Variants in NMRK2 observed in about 807,000 individuals in gnomAD.
NMRK2 encodes NRK 2.
NMRK2 carries 34 observed loss-of-function variants against 24.7 expected under a neutral mutation model. That is an observed-to-expected ratio of 1.37 (90% CI 1.05 to 1.83). The LOEUF (loss-of-function observed/expected upper bound fraction) is 1.83. Ranked by LOEUF, NMRK2 falls within the 40% of genes most tolerant of loss-of-function variation. The pLI, the probability that NMRK2 is intolerant of heterozygous loss-of-function variation, is 0.00. For missense variants in NMRK2, 341 were observed against 315.0 expected, an observed-to-expected ratio of 1.08 and a Z score of -0.62; for synonymous variants, 145 against 125.6, an observed-to-expected ratio of 1.15 and a Z score of -1.03.
intron 4 of NMRK2, 35 bp from the exon 5 acceptor site, chr19:3,938,568 C>A: frequency 6.6e-7 from 1 of 1,519,348 alleles, no homozygotes; most frequent in South Asian, 1.3e-5. Flanking sequence ...CCCCCAGGGT[C>A]TGCCCTCCTG....
intron 4 of NMRK2, 117 bp from the exon 5 acceptor site, chr19:3,938,486 C>T: frequency 1.5e-5 from 13 of 874,728 alleles, no homozygotes; most frequent in Non-Finnish European, 1.9e-5. Context: ...GTCCACCCTC[C>T]TGCAATGCCC....
chr19:3,938,850 T>TTTTTTTTTTTTTTTTTTTTTTTTTTTG (rs2039274687), intron 5 of NMRK2, 91 bp downstream of exon 5: 2 of 182,778 alleles, frequency 1.1e-5, no homozygotes, highest in African/African-American at 6.5e-5. Flanking sequence ...TTTTGTTTTG[T>TTTTTTTTTTTTTTTTTTTTTTTTTTTG]TTTTTTTTTT....
Position 3,938,587 on chromosome 19 carries a change from G to A in NMRK2, c.167-16G>A. On this transcript the variant is annotated splice_polypyrimidine_tract_variant and intron_variant, in intron 4 of 7. Coordinates refer to ENST00000168977, the MANE Select transcript of NMRK2 (RefSeq NM_170678.3). ...CAGGGTCTGCCCTCCTGCAATGCCT[G>A]CTCCCCTTTCCCCAGTGCTGGAGTC... 2 of 1,546,276 alleles carry A rather than the reference G, an allele frequency of 1.3e-6. No homozygotes were observed. The highest frequency in any genetic ancestry group is 1.9e-5 in the Admixed American group (1 of 52,488).
chr19:3,941,009 G>A (rs1306021708), intron 6 of NMRK2, 62 bp from the exon 7 acceptor site: 1 of 1,092,764 alleles, frequency 9.2e-7, no homozygotes, highest in Non-Finnish European at 1.4e-6. Context: ...CCCCCCACCG[G>A]GGGTATATTC....
chr19:3,936,688 G>T lies in NMRK2; in HGVS notation c.117+23G>T, dbSNP rs1341302236. On this transcript the variant is annotated intron_variant, in intron 3 of 7. Coordinates refer to ENST00000168977, the MANE Select transcript of NMRK2 (RefSeq NM_170678.3). The stretch of plus-strand genomic sequence containing the variant: ...AAGGTGCCCGCCCTTGCCCGGGGAG[G>T]TGGAGCTGAGAGGGGATGCAGGGTG... 4.5e-6 allele frequency: 7 copies of T among 1,538,806 alleles called. No homozygotes were observed. In the South Asian group the frequency reaches 4.8e-5, roughly 11 times the overall value.
rs148078582 is a variant in NMRK2, at chr19:3,942,218, G to T, written c.638G>T (p.Arg213Leu). 34 of 1,612,648 alleles carry T rather than the reference G, an allele frequency of 2.1e-5. No homozygotes were observed. In the African/African-American group the frequency reaches 3.6e-4, roughly 17 times the overall value. The change falls in exon 8 of 8, where the codon CGC (arginine) becomes CTC (leucine). Residue 213 changes from arginine to leucine, a missense_variant. By Grantham distance (102) the Arg-to-Leu change is moderately radical. Coordinates refer to ENST00000168977, the MANE Select transcript of NMRK2 (RefSeq NM_170678.3). The part of the protein sequence containing the change: ...ARPARTQGPG[R>L]GCGHRTARPA... ...CCAGCCAGGACACAGGGACCCGGAC[G>T]CGGATGCGGCCACAGAACGGCCAGG...
At chr19:3,940,063 G>C in intron 6 of NMRK2, 92 bp downstream of exon 6, 1 of 1,116,972 alleles carries the variant, frequency 9.0e-7, no homozygotes, top group South Asian at 1.3e-5. Context: ...AATGCCACTG[G>C]GGGCTGGGCA....
At chr19:3,935,359 G>A (rs1200393968) in intron 2 of NMRK2, among the ~76,000 whole-genome samples, 4 of 148,434 alleles carry the variant, frequency 2.7e-5, no homozygotes, top group Admixed American at 1.4e-4. Flanking sequence ...GAGTTCAAGC[G>A]ATTATCTTGC....
At chr19:3,936,886 A>G (rs1366501014) in intron 3 of NMRK2, among the ~76,000 whole-genome samples, 1 of 152,120 alleles carries the variant, frequency 6.6e-6, no homozygotes, top group African/African-American at 2.4e-5. Flanking sequence ...TACGCAGCCC[A>G]TTCTCACTGG....
At chr19:3,937,088 AT>A (rs1329332338) in intron 3 of NMRK2, 151 bp from the exon 4 acceptor site, 1 of 700,212 alleles carries the variant, frequency 1.4e-6, no homozygotes, top group African/African-American at 1.8e-5. Flanking sequence ...GAGATGATTG[AT>A]GGTCTGGGGA....
At chr19:3,938,844 G>GTTTT (rs1269335341) in intron 5 of NMRK2, 85 bp downstream of exon 5, 18 of 174,622 alleles carry the variant, frequency 1.0e-4, no homozygotes, top group South Asian at 6.3e-4. Context: ...TTTTTTTTTT[G>GTTTT]TTTTGTTTTT....
rs754823444 is a variant in NMRK2 at position 3,941,167 on chromosome 19, T to C, written c.492T>C (p.Gly164=). 7 of 1,527,644 alleles carry C rather than the reference T, an allele frequency of 4.6e-6. No individual in the cohort carries two copies. The African/African-American group carries it at 8.4e-5, about 18-fold the overall frequency. 94.6% of individuals were successfully genotyped at this position (1,527,644 alleles called of 1,614,324 possible). A position where few individuals can be genotyped will look rare whatever the true frequency, so the allele number is the denominator to read the frequency against. Residue 164 remains glycine (G), a synonymous_variant, in exon 7 of 8, where the codon GGT becomes GGC. Coordinates refer to ENST00000168977, the MANE Select transcript of NMRK2 (RefSeq NM_170678.3). ...QKYRQEMEAN[G]VEVVYLDGMK... ...ATAGGCAGGAGATGGAGGCCAACGG[T>C]GTGGAAGTGGGTAAGCCCCTGAGCA...
At chr19:3,939,367 A>G (rs2039284944) in intron 5 of NMRK2, among the ~76,000 whole-genome samples, 1 of 151,500 alleles carries the variant, frequency 6.6e-6, no homozygotes, top group Admixed American at 6.6e-5. Flanking sequence ...ACAAAAAATT[A>G]GCCAGGTGTG....
chr19:3,941,183 C>T lies in NMRK2; in HGVS notation c.502+6C>T, dbSNP rs1460303605. 6.3e-7 allele frequency: 1 copy of T among 1,576,626 alleles called. No homozygotes were observed. Among genetic ancestry groups the T allele is most frequent in the South Asian group, 1.1e-5 (1 of 90,212 alleles). On this transcript the variant is annotated splice_donor_region_variant and intron_variant, in intron 7 of 7. Transcript: ENST00000168977. ...GGCCAACGGTGTGGAAGTGGGTAAG[C>T]CCCTGAGCATGACCAGGCCTTGCCC...
intron 6 of NMRK2, among the ~76,000 whole-genome samples, chr19:3,940,508 G>C (rs1306552046): frequency 6.6e-6 from 1 of 151,550 alleles, no homozygotes; most frequent in Non-Finnish European, 1.5e-5. Flanking sequence ...GGCCGAGATG[G>C]GCGGATCACC....
intron 6 of NMRK2, among the ~76,000 whole-genome samples, chr19:3,940,651 C>T (rs943083417): frequency 6.7e-6 from 1 of 149,772 alleles, no homozygotes; most frequent in African/African-American, 2.5e-5. Context: ...AAGAGAATGG[C>T]TTGAACCCGG....
intron 2 of NMRK2, among the ~76,000 whole-genome samples, chr19:3,935,413 G>A (rs1393364647): frequency 1.3e-5 from 2 of 151,380 alleles, no homozygotes; most frequent in African/African-American, 4.8e-5. Context: ...CCACCACTAC[G>A]CCCAGCTAAT....
intron 7 of NMRK2, 83 bp from the exon 8 acceptor site, chr19:3,942,000 C>A: frequency 8.6e-7 from 1 of 1,167,122 alleles, no homozygotes; most frequent in East Asian, 2.4e-5. Context: ...GATCTCCTTG[C>A]TCCTGACCCA....
In NMRK2 at chr19:3,938,661, C is replaced by T. The variant is rs1422495677; in HGVS notation, c.225C>T (p.Ser75=). The change falls in exon 5 of 8, where the codon AGC becomes AGT. Residue 75 remains serine, a synonymous_variant. Coordinates refer to ENST00000168977, the MANE Select transcript of NMRK2 (RefSeq NM_170678.3). ...MLDTVQAWLS[S]PQKFARAHGV... is the part of the protein sequence containing the mutation. ...ACACCGTGCAGGCCTGGCTGAGCAG[C>T]CCGCAGAAGTTTGCCCGTGCCCACG... The T allele has an allele frequency of 1.9e-6, 3 of 1,612,198 alleles. No homozygotes were observed. The highest frequency in any genetic ancestry group is 1.3e-5 in the African/African-American group (1 of 74,862).
Sources: allele counts gnomAD v4.1 joint callset (sites outside exome capture counted in the v4.1 genomes callset), GRCh38; gene constraint gnomAD v4.1.1; transcripts MANE v1.5; gene names NCBI Gene and HGNC (gene_info 2026-07-23, HGNC 2026-07-21).